The following SORCS3 variants were observed in gnomAD, a reference collection of about 807,000 sequenced individuals.
SORCS3 encodes the protein sortilin related VPS10 domain containing receptor 3.
In SORCS3, 57 loss-of-function variants were observed where a neutral mutation model predicts 146.3. The ratio of observed to expected loss-of-function variants is 0.39; its 90% CI spans 0.31 to 0.49. The LOEUF is 0.49. Ranked by LOEUF, SORCS3 falls within the 20% of genes least tolerant of loss-of-function variation. SORCS3 has a pLI of 0.92. For missense variants in SORCS3, 1,341 were observed against 1,575.5 expected (o/e 0.85, Z 2.52); for synonymous variants, 653 against 618.5 (o/e 1.06, Z -0.83).
chr10:105,252,705 T>A (rs1288509288), intron 22 of SORCS3, 70 bp from the exon 23 acceptor site: 2 of 1,598,854 alleles, frequency 1.3e-6, no homozygotes, highest in Non-Finnish European at 1.7e-6. Context: ...CTGTGCACAC[T>A]CTGCTCTTGT....
chr10:104,798,806 A>C (rs745813546), intron 1 of SORCS3, among the ~76,000 whole-genome samples: 6 of 152,216 alleles, frequency 3.9e-5, no homozygotes, highest in African/African-American at 7.2e-5. Flanking sequence ...TCCATCTGAC[A>C]AAGGGCTAAT....
At chr10:105,250,857 C>T (rs773216428) in intron 22 of SORCS3, among the ~76,000 whole-genome samples, 18 of 152,188 alleles carry the variant, frequency 1.2e-4, no homozygotes, top group African/African-American at 1.9e-4. Flanking sequence ...TACTTCCCTG[C>T]GGGCTGGCTC....
chr10:104,794,593 G>C, intron 1 of SORCS3, among the ~76,000 whole-genome samples: 1 of 142,496 alleles, frequency 7.0e-6, no homozygotes, highest in Non-Finnish European at 1.5e-5. Context: ...GATAGGGTGT[G>C]TGTGTGTGTG....
chr10:104,826,006 C>G (rs1217606523), intron 1 of SORCS3, among the ~76,000 whole-genome samples: 3 of 152,124 alleles, frequency 2.0e-5, no homozygotes, highest in Non-Finnish European at 4.4e-5. Context: ...ATTTTTAAGT[C>G]AGGATAACTA....
At chr10:105,037,076 G>A (rs183887918) in intron 4 of SORCS3, among the ~76,000 whole-genome samples, 6 of 152,270 alleles carry the variant, frequency 3.9e-5, no homozygotes, top group African/African-American at 1.4e-4. Flanking sequence ...TTCTGACTAA[G>A]TCTGGTCTAC....
intron 25 of SORCS3, among the ~76,000 whole-genome samples, chr10:105,261,079 G>C (rs1353771916): frequency 6.6e-6 from 1 of 152,228 alleles, no homozygotes; most frequent in Non-Finnish European, 1.5e-5. Context: ...GTGGATAGCA[G>C]AGAGGATAGA....
At chr10:104,759,539 G>A (rs189903585) in intron 1 of SORCS3, among the ~76,000 whole-genome samples, 21 of 152,290 alleles carry the variant, frequency 1.4e-4, no homozygotes, top group African/African-American at 5.1e-4. Flanking sequence ...ATTGCGTGAA[G>A]GTTACTTTAG....
intron 4 of SORCS3, among the ~76,000 whole-genome samples, chr10:104,988,377 A>G (rs2054974427): frequency 6.6e-6 from 1 of 152,176 alleles, no homozygotes; most frequent in Non-Finnish European, 1.5e-5. Flanking sequence ...CTTATGGCAT[A>G]TTTCTCAGCT....
At chr10:104,727,574 A>G (rs2016652862) in intron 1 of SORCS3, among the ~76,000 whole-genome samples, 1 of 151,714 alleles carries the variant, frequency 6.6e-6, no homozygotes, top group African/African-American at 2.4e-5. Context: ...TAAGATGCAT[A>G]CACGCTTACC....
chr10:104,657,483 A>G (rs908985631), intron 1 of SORCS3, among the ~76,000 whole-genome samples: 3 of 152,218 alleles, frequency 2.0e-5, no homozygotes, highest in South Asian at 2.1e-4. Context: ...AGCCTGCTAC[A>G]TACATGCTCA....
chr10:105,188,694 A>G (rs1216768977), intron 14 of SORCS3, among the ~76,000 whole-genome samples: 2 of 152,204 alleles, frequency 1.3e-5, no homozygotes, highest in Non-Finnish European at 2.9e-5. Context: ...GTTATTGTGT[A>G]TTTTAAAAAT....
intron 9 of SORCS3, among the ~76,000 whole-genome samples, chr10:105,156,406 T>G (rs2056209434): frequency 6.6e-6 from 1 of 152,220 alleles, no homozygotes; most frequent in Non-Finnish European, 1.5e-5. Flanking sequence ...TAAATCTCCT[T>G]TAATCCTCTA....
chr10:104,647,638 T>C (rs1244907697), intron 1 of SORCS3, among the ~76,000 whole-genome samples: 1 of 152,166 alleles, frequency 6.6e-6, no homozygotes, highest in Non-Finnish European at 1.5e-5. Context: ...AGCTCAGTAA[T>C]ACTGAACTCA....
At chr10:104,721,109 G>T (rs1045488685) in intron 1 of SORCS3, among the ~76,000 whole-genome samples, 1 of 152,040 alleles carries the variant, frequency 6.6e-6, no homozygotes, top group East Asian at 1.9e-4. Flanking sequence ...GATGGTTTTC[G>T]GTCTAACATT....
At chr10:104,860,427 G>A (rs1214097194) in intron 2 of SORCS3, among the ~76,000 whole-genome samples, 1 of 132,458 alleles carries the variant, frequency 7.5e-6, no homozygotes, top group Non-Finnish European at 1.6e-5. Flanking sequence ...TGTGAGGTGG[G>A]GGGAGGGGGG....
chr10:104,938,632 C>T (rs894780305), intron 3 of SORCS3, among the ~76,000 whole-genome samples: 3 of 152,150 alleles, frequency 2.0e-5, no homozygotes, highest in Non-Finnish European at 2.9e-5. Flanking sequence ...TCCAAGGGGG[C>T]CTTTCCTGAT....
intron 3 of SORCS3, among the ~76,000 whole-genome samples, chr10:104,971,200 A>G (rs958808546): frequency 1.3e-5 from 2 of 152,228 alleles, no homozygotes; most frequent in Non-Finnish European, 2.9e-5. Context: ...TGTCAGAATC[A>G]GATTTATATT....
At chr10:105,068,971 A>G (rs937807396) in intron 5 of SORCS3, among the ~76,000 whole-genome samples, 2 of 152,258 alleles carry the variant, frequency 1.3e-5, no homozygotes, top group African/African-American at 2.4e-5. Flanking sequence ...GCTCAAAATC[A>G]GAATATGCTC....
chr10:104,968,069 T>G (rs2133640331), intron 3 of SORCS3, among the ~76,000 whole-genome samples: 1 of 152,274 alleles, frequency 6.6e-6, no homozygotes, highest in African/African-American at 2.4e-5. Flanking sequence ...TCAATAGTAC[T>G]AAGAGGTAGG....
Sources: gnomAD v4.1 joint callset for allele counts (sites outside exome capture counted in the v4.1 genomes callset) on GRCh38, gnomAD v4.1.1 for gene constraint, MANE v1.5 for transcripts, NCBI Gene and HGNC (gene_info 2026-07-23, HGNC 2026-07-21) for gene names.